The following MACF1 variants were observed in gnomAD, a reference collection of about 807,000 sequenced individuals.
The protein encoded by MACF1 is microtubule-actin cross-linking factor 1.
In MACF1, 193 loss-of-function variants were observed where a neutral mutation model predicts 854.8. That is an observed-to-expected ratio of 0.23 (90% CI 0.20 to 0.25). MACF1 has a LOEUF of 0.25. Ranked by LOEUF, MACF1 falls within the 10% of genes least tolerant of loss-of-function variation. MACF1 has a pLI of 1.00. For synonymous variants in MACF1, 3,185 were observed against 3,226.7 expected (o/e 0.99, Z 0.44); for missense variants, 7,722 against 8,929.1 (o/e 0.86, Z 5.45).
intron 4 of MACF1, among the ~76,000 whole-genome samples, chr1:39,253,070 C>T (rs1408817095): frequency 6.6e-6 from 1 of 152,148 alleles, no homozygotes; most frequent in Non-Finnish European, 1.5e-5. Flanking sequence ...AGTGATATTT[C>T]TCTCCAAATT....
At chr1:39,224,032 G>A (rs1644684814) in intron 1 of MACF1, among the ~76,000 whole-genome samples, 2 of 152,186 alleles carry the variant, frequency 1.3e-5, no homozygotes, top group Admixed American at 6.5e-5. Flanking sequence ...GGATATATGA[G>A]AGTGGTAAAG....
intron 80 of MACF1, among the ~76,000 whole-genome samples, chr1:39,446,512 G>A (rs886260069): frequency 6.6e-5 from 10 of 150,944 alleles, no homozygotes; most frequent in Admixed American, 6.6e-4. Context: ...TTTTGGTGGG[G>A]GGTGGTTACA....
At chr1:39,290,658 G>T (rs1426799164) in intron 15 of MACF1, among the ~76,000 whole-genome samples, 7 of 106,394 alleles carry the variant, frequency 6.6e-5, no homozygotes, top group East Asian at 6.0e-4. Context: ...TTTCATTGTT[G>T]ATGTAACTTT....
At chr1:39,469,480 T>C in intron 96 of MACF1, 67 bp from the exon 97 acceptor site, 2 of 1,241,394 alleles carry the variant, frequency 1.6e-6, no homozygotes, top group East Asian at 2.5e-5. Context: ...CCAATTTGTC[T>C]TTCTTGACTA....
intron 24 of MACF1, among the ~76,000 whole-genome samples, 199 bp downstream of exon 24, chr1:39,309,895 A>G (rs1646266458): frequency 6.6e-6 from 1 of 152,230 alleles, no homozygotes; most frequent in Non-Finnish European, 1.5e-5. Context: ...CCTAATTAGA[A>G]TAAGTAACAT....
At chr1:39,125,023 T>G (rs1407638272) in intron 2 of MACF1, among the ~76,000 whole-genome samples, 1 of 152,250 alleles carries the variant, frequency 6.6e-6, no homozygotes, top group Non-Finnish European at 1.5e-5. Flanking sequence ...ACTAATTTAT[T>G]TGTGACCTTG....
intron 58 of MACF1, among the ~76,000 whole-genome samples, chr1:39,388,872 CTTTT>C (rs548104092): frequency 4.6e-5 from 4 of 87,242 alleles, no homozygotes; most frequent in Admixed American, 1.4e-4. Context: ...TCTTCTTCTT[CTTTT>C]TTTTTTTTTT....
intron 58 of MACF1, among the ~76,000 whole-genome samples, chr1:39,415,943 T>A (rs930231469): frequency 6.6e-6 from 1 of 152,212 alleles, no homozygotes. Flanking sequence ...ACTGACTGAC[T>A]GAATGCATGA....
intron 6 of MACF1, among the ~76,000 whole-genome samples, chr1:39,262,785 A>G (rs894143666): frequency 3.9e-5 from 6 of 151,904 alleles, no homozygotes; most frequent in African/African-American, 1.5e-4. Flanking sequence ...ATGCCTATTT[A>G]TTTGTCTTCT....
intron 2 of MACF1, among the ~76,000 whole-genome samples, chr1:39,095,596 G>C (rs570367654): frequency 3.0e-4 from 45 of 149,130 alleles, no homozygotes; most frequent in African/African-American, 1.0e-3. Flanking sequence ...AAATGTTGGG[G>C]AAGGCTGAGA....
chr1:39,331,641 C>T lies in MACF1; in HGVS notation c.5053C>T (p.Leu1685Phe). 1 of 1,614,158 alleles carries T rather than the reference C, an allele frequency of 6.2e-7. No individual in the cohort carries two copies. Among genetic ancestry groups the T allele is most frequent in the South Asian group, 1.1e-5 (1 of 91,078 alleles). The change falls in exon 37 of 101, where the codon CTT becomes TTT. Residue 1685 changes from leucine to phenylalanine, a missense_variant. Transcript: ENST00000564288. Reference protein sequence around the residue: ...AFHQGLISAWLHSVLESYLRT... With the variant: ...AFHQGLISAWFHSVLESYLRT... Reference sequence around the variant, plus strand: ...TCATCAAGGCCTCATTTCTGCATGGCTTCATTCAGTATTAGAGTCTTATCT... The same window carrying T: ...TCATCAAGGCCTCATTTCTGCATGGTTTCATTCAGTATTAGAGTCTTATCT...
At chr1:39,306,077 A>G (rs917953691) in intron 23 of MACF1, among the ~76,000 whole-genome samples, 3 of 152,312 alleles carry the variant, frequency 2.0e-5, no homozygotes, top group African/African-American at 7.2e-5. Context: ...CAGGTATTCA[A>G]TAAATGGTTA....
intron 86 of MACF1, 79 bp downstream of exon 86, chr1:39,452,429 C>A: frequency 7.1e-7 from 1 of 1,405,434 alleles, no homozygotes; most frequent in Non-Finnish European, 9.7e-7. Flanking sequence ...AGAATCTGTT[C>A]CAGTCAGTCT....
intron 58 of MACF1, among the ~76,000 whole-genome samples, chr1:39,402,417 T>C (rs1642514417): frequency 6.6e-6 from 1 of 152,182 alleles, no homozygotes; most frequent in South Asian, 2.1e-4. Flanking sequence ...CACGGTGTGC[T>C]TTCCTTAGTG....
chr1:39,367,994 T>A (rs568854996), intron 49 of MACF1, among the ~76,000 whole-genome samples, 154 bp from the exon 50 acceptor site: 29 of 117,892 alleles, frequency 2.5e-4, no homozygotes, highest in African/African-American at 4.6e-4. Flanking sequence ...AAAAAAAAAA[T>A]GTTTGTTTGT....
chr1:39,375,550 CT>C lies in MACF1; in HGVS notation c.13214-2909del, dbSNP rs549627107. Among the ~76,000 whole-genome samples the C allele has an allele frequency of 1.2e-4, 18 of 152,306 alleles. No homozygotes were observed. The South Asian group carries it at 2.5e-3, about 21-fold the overall frequency. On this transcript the variant is annotated intron_variant, in intron 52 of 100. Transcript: ENST00000564288. ...TCTCCTGACCTTGTGATCCACCTGC[CT>C]TGGCCTCCCAAAGTGCTGGGATTAC... is the stretch of plus-strand genomic sequence containing the variant.
intron 2 of MACF1, among the ~76,000 whole-genome samples, chr1:39,094,438 C>G (rs364716): frequency 6.7e-6 from 1 of 149,932 alleles, no homozygotes; most frequent in Non-Finnish European, 1.5e-5. Flanking sequence ...AGAAAGAAAT[C>G]GGGCCGCGCA....
intron 38 of MACF1, among the ~76,000 whole-genome samples, chr1:39,338,474 A>G (rs1279494151): frequency 6.6e-6 from 1 of 152,216 alleles, no homozygotes; most frequent in African/African-American, 2.4e-5. Flanking sequence ...CACCAGAAAG[A>G]GATGAAAATG....
In MACF1 at chr1:39,432,643, C is replaced by G; in HGVS notation, c.17446C>G (p.Gln5816Glu). The G allele has an allele frequency of 6.2e-7, 1 of 1,613,946 alleles. No homozygotes were observed. ...LEQDQTTAQLQVQKAFSIDII... is the reference protein window; with the variant it reads ...LEQDQTTAQLEVQKAFSIDII... ...ACAGGACCAGACCACAGCTCAGCTT[C>G]AGGTACAGAAGGTACGTGCCCACTC... The change falls in exon 67 of 101, where the codon CAG becomes GAG. Residue 5816 changes from glutamine to glutamate, a missense_variant. Transcript: ENST00000564288.
Sources: gnomAD v4.1 joint callset for allele counts (sites outside exome capture counted in the v4.1 genomes callset) on GRCh38, gnomAD v4.1.1 for gene constraint, MANE v1.5 for transcripts, NCBI Gene and HGNC (gene_info 2026-07-23, HGNC 2026-07-21) for gene names.